Variants in ENTREP2 observed in about 807,000 individuals in gnomAD.
The protein encoded by ENTREP2 is protein ENTREP2.
the ENTREP2 span, among the ~76,000 whole-genome samples, chr15:29,515,658 G>T: frequency 1.3e-5 from 2 of 152,218 alleles, no homozygotes; most frequent in African/African-American, 2.4e-5. Context: ...TCCTGTGTTG[G>T]AGTTCTAATC....
the ENTREP2 span, among the ~76,000 whole-genome samples, chr15:29,591,864 G>GAAGAAGAAGAAGAAGAAT: frequency 2.1e-5 from 2 of 97,010 alleles, no homozygotes; most frequent in African/African-American, 7.7e-5. Flanking sequence ...AGAAGAAGAA[G>GAAGAAGAAGAAGAAGAAT]AAGAAGAAGA....
chr15:29,275,523 G>C, the ENTREP2 span, among the ~76,000 whole-genome samples: 10 of 152,162 alleles, frequency 6.6e-5, no homozygotes, highest in Non-Finnish European at 1.2e-4. Context: ...TTATGTTAAT[G>C]ACCTTCATGC....
the ENTREP2 span, among the ~76,000 whole-genome samples, chr15:29,336,725 AG>A: frequency 6.6e-6 from 1 of 152,190 alleles, no homozygotes; most frequent in Admixed American, 6.5e-5. Context: ...TTTAAGCCTC[AG>A]GTCAAGTCCA....
the ENTREP2 span, among the ~76,000 whole-genome samples, chr15:29,253,244 A>G: frequency 6.6e-6 from 1 of 152,160 alleles, no homozygotes; most frequent in Non-Finnish European, 1.5e-5. Context: ...TAGACAGTCT[A>G]TGGGTTTCCC....
At chr15:29,280,249 C>A in the ENTREP2 span, among the ~76,000 whole-genome samples, 42 of 152,330 alleles carry the variant, frequency 2.8e-4, no homozygotes, top group African/African-American at 8.2e-4. Context: ...GACAGGCCGA[C>A]CAACTCATTT....
At chr15:29,158,637 T>A in the ENTREP2 span, among the ~76,000 whole-genome samples, 4 of 152,242 alleles carry the variant, frequency 2.6e-5, no homozygotes, top group African/African-American at 7.2e-5. Flanking sequence ...TCTCTGCTTT[T>A]TGAAAGTTTT....
chr15:29,515,285 C>T, the ENTREP2 span, among the ~76,000 whole-genome samples: 1 of 152,144 alleles, frequency 6.6e-6, no homozygotes, highest in Non-Finnish European at 1.5e-5. Context: ...CAAATATGAA[C>T]AAGATGCACT....
chr15:29,293,199 T>C, the ENTREP2 span, among the ~76,000 whole-genome samples: 1 of 152,012 alleles, frequency 6.6e-6, no homozygotes, highest in Non-Finnish European at 1.5e-5. Context: ...GGTTTTTGGG[T>C]TGTAAGTGAT....
At chr15:29,364,578 A>C in the ENTREP2 span, among the ~76,000 whole-genome samples, 1 of 152,214 alleles carries the variant, frequency 6.6e-6, no homozygotes, top group African/African-American at 2.4e-5. Context: ...CACCCAGCTG[A>C]AAGGCAGAAC....
the ENTREP2 span, among the ~76,000 whole-genome samples, chr15:29,609,250 A>G: frequency 6.7e-6 from 1 of 150,240 alleles, no homozygotes; most frequent in Non-Finnish European, 1.5e-5. Context: ...TTTATTCTTT[A>G]TAACAGGGGC....
the ENTREP2 span, among the ~76,000 whole-genome samples, chr15:29,223,857 G>A: frequency 6.6e-6 from 1 of 152,150 alleles, no homozygotes; most frequent in Admixed American, 6.5e-5. Context: ...GCACTCTCTG[G>A]AGAGGGCTCA....
the ENTREP2 span, among the ~76,000 whole-genome samples, chr15:29,164,292 C>G: frequency 6.6e-6 from 1 of 152,072 alleles, no homozygotes; most frequent in African/African-American, 2.4e-5. Flanking sequence ...AAACCAAAGT[C>G]CACAGGCAAC....
the ENTREP2 span, among the ~76,000 whole-genome samples, chr15:29,659,732 T>C: frequency 6.6e-6 from 1 of 152,304 alleles, no homozygotes; most frequent in East Asian, 1.9e-4. Context: ...GTTGTCCATA[T>C]TACAGCATGT....
chr15:29,489,997 T>C, the ENTREP2 span, among the ~76,000 whole-genome samples: 1 of 152,238 alleles, frequency 6.6e-6, no homozygotes, highest in East Asian at 1.9e-4. Context: ...AGCAATAAAA[T>C]TCAATAATTC....
At chr15:29,277,608 G>A in the ENTREP2 span, among the ~76,000 whole-genome samples, 3 of 152,062 alleles carry the variant, frequency 2.0e-5, no homozygotes, top group Non-Finnish European at 2.9e-5. Context: ...GGTGGAGCTC[G>A]GGCAGTAATG....
At chr15:29,610,593 A>G in the ENTREP2 span, 1 of 150,694 alleles carries the variant, frequency 6.6e-6, no homozygotes, top group Non-Finnish European at 1.5e-5. Flanking sequence ...GATGTCCTTA[A>G]GCCATCAATG....
chr15:29,128,415 T>A, the ENTREP2 span, among the ~76,000 whole-genome samples: 1 of 151,806 alleles, frequency 6.6e-6, no homozygotes, highest in Non-Finnish European at 1.5e-5. Context: ...CAGAGGGAGG[T>A]GCCGTGTGGA....
At chr15:29,600,033 T>A in the ENTREP2 span, among the ~76,000 whole-genome samples, 1 of 152,186 alleles carries the variant, frequency 6.6e-6, no homozygotes, top group Non-Finnish European at 1.5e-5. Context: ...GAAGGCTTCT[T>A]AACACCTGAG....
At chr15:29,635,094 C>T in the ENTREP2 span, among the ~76,000 whole-genome samples, 522 of 152,280 alleles carry the variant, frequency 3.4e-3, 5 homozygotes, top group African/African-American at 0.012. Flanking sequence ...CTGCCCGCCT[C>T]GGCCTCCCAA....
Sources: gnomAD v4.1 joint callset for allele counts (sites outside exome capture counted in the v4.1 genomes callset) on GRCh38, gnomAD v4.1.1 for gene constraint, MANE v1.5 for transcripts, NCBI Gene and HGNC (gene_info 2026-07-23, HGNC 2026-07-21) for gene names.